Variants in TOMM40 observed in about 807,000 individuals in gnomAD.
TOMM40 encodes the protein mitochondrial import receptor subunit TOM40 homolog.
TOMM40 carries 9 observed loss-of-function variants against 38.4 expected under a neutral mutation model. The ratio of observed to expected loss-of-function variants is 0.23; its 90% CI spans 0.14 to 0.41. TOMM40 has a LOEUF of 0.41. TOMM40 is among the 10% of genes least tolerant of loss of function. TOMM40 has a pLI of 1.00. For missense variants in TOMM40, 299 were observed against 486.5 expected, an observed-to-expected ratio of 0.61 and a Z score of 3.63; for synonymous variants, 184 against 210.0, an observed-to-expected ratio of 0.88 and a Z score of 1.07.
intron 5 of TOMM40, 126 bp from the exon 6 acceptor site, chr19:44,900,604 A>T: frequency 6.4e-7 from 1 of 1,564,046 alleles, no homozygotes; most frequent in South Asian, 1.2e-5. Flanking sequence ...AGGAGAAAGG[A>T]GCCCTTGAGG....
At chr19:44,892,815 A>G (rs1472416342) in intron 2 of TOMM40, 22 bp from the exon 3 acceptor site, 1 of 1,592,828 alleles carries the variant, frequency 6.3e-7, no homozygotes, top group South Asian at 1.1e-5. Flanking sequence ...CAGTATCGTC[A>G]CAGCTCTCGC....
chr19:44,893,800 T>A lies in TOMM40; in HGVS notation c.456T>A (p.Gly152=), dbSNP rs1230390802. 3 of 1,612,034 alleles carry A rather than the reference T, an allele frequency of 1.9e-6. No homozygotes were observed. Among genetic ancestry groups the A allele is most frequent in the Non-Finnish European group, 2.5e-6 (3 of 1,179,982 alleles). The part of the protein sequence containing the change: ...SPTEAFPVLV[G]DMDNSGSLNA... The stretch of plus-strand genomic sequence containing the variant: ...CACAGGCGTTCCCTGTACTGGTGGG[T>A]GACATGGACAACAGTGGCAGTCTCA... Residue 152 remains glycine, a synonymous_variant, in exon 4 of 9, where the codon GGT becomes GGA. Coordinates refer to ENST00000426677, the MANE Select transcript of TOMM40 (RefSeq NM_001128917.2).
chr19:44,901,618 T>G, intron 8 of TOMM40: 1 of 547,360 alleles, frequency 1.8e-6, no homozygotes, highest in Non-Finnish European at 3.1e-6. Context: ...CGGGTGCCTA[T>G]AGTCCCAACT....
In TOMM40 at chr19:44,897,593, C is replaced by T. The variant is rs1482438798; in HGVS notation, c.644-3137C>T. Among the ~76,000 whole-genome samples, 4 of 152,036 alleles carry T rather than the reference C, an allele frequency of 2.6e-5. No individual in the cohort carries two copies. In the East Asian group the frequency reaches 5.9e-4, roughly 22 times the overall value. ...TCAGCCTCCCAAGTAGCTGGGATTA[C>T]AGGCACGCACTGCCACACCCGGCTA... On this transcript the variant is annotated intron_variant, in intron 5 of 8. Coordinates refer to ENST00000426677, the MANE Select transcript of TOMM40 (RefSeq NM_001128917.2).
chr19:44,896,687 A>T (rs1969571462), intron 5 of TOMM40, among the ~76,000 whole-genome samples: 1 of 152,038 alleles, frequency 6.6e-6, no homozygotes, highest in African/African-American at 2.4e-5. Context: ...TTTCTGCTTC[A>T]CTCTGAGCAC....
chr19:44,903,494 C>T lies in TOMM40; in HGVS notation c.*325C>T, dbSNP rs1023340203. On this transcript the variant is annotated 3_prime_UTR_variant, in exon 9 of 9. Transcript: ENST00000426677. ...ACCTCAGGGAGGAGTGTCCTGGCGT[C>T]CCCATCCTCCAAAGGGCCTGGGCCC... The T allele has an allele frequency of 1.1e-5, 3 of 267,922 alleles. No homozygotes were observed. The highest frequency in any genetic ancestry group is 1.4e-5 in the Non-Finnish European group (2 of 139,828). The allele number at this position is 267,922 out of a possible 1,614,324, so 16.6% of individuals were successfully genotyped here.
At chr19:44,891,839 A>T (rs1423853110) in intron 1 of TOMM40, 150 bp downstream of exon 1, 6 of 887,026 alleles carry the variant, frequency 6.8e-6, no homozygotes, top group Middle Eastern at 3.8e-4. Context: ...GGAACGTTGG[A>T]CTTGGGGCTT....
chr19:44,902,786 T>TG, intron 8 of TOMM40: 1 of 446,974 alleles, frequency 2.2e-6, no homozygotes, highest in Non-Finnish European at 4.0e-6. Context: ...AGGACTAGGT[T>TG]GGGGGAACCC....
At chr19:44,900,044 C>G (rs909774739) in intron 5 of TOMM40, among the ~76,000 whole-genome samples, 1 of 152,034 alleles carries the variant, frequency 6.6e-6, no homozygotes, top group Admixed American at 6.6e-5. Flanking sequence ...CTGCTAGGCT[C>G]GAAAGACACC....
rs2122734656 is a variant in TOMM40 at position 44,891,454 on chromosome 19, G to A, written c.39G>A (p.Gly13=). Residue 13 remains glycine (G), a synonymous_variant, in exon 1 of 9, where the codon GGG becomes GGA. Coordinates refer to ENST00000426677, the MANE Select transcript of TOMM40 (RefSeq NM_001128917.2). ...NVLAASSPPA[G]PPPPPAPALV... is the part of the protein sequence containing the mutation. Reference sequence around the variant, plus strand: ...TGGCTGCCAGCTCGCCGCCCGCAGGGCCGCCACCGCCGCCTGCGCCGGCCC... The same window carrying A: ...TGGCTGCCAGCTCGCCGCCCGCAGGACCGCCACCGCCGCCTGCGCCGGCCC... The A allele has an allele frequency of 7.7e-7, 1 of 1,296,328 alleles. No homozygotes were observed. The allele number at this position is 1,296,328 out of a possible 1,614,324, so 80.3% of individuals were successfully genotyped here. A position where few individuals can be genotyped will look rare whatever the true frequency, so the allele number is the denominator to read the frequency against.
At chr19:44,900,874 G>A (rs371068954) in intron 6 of TOMM40, 22 bp downstream of exon 6, 128 of 1,612,514 alleles carry the variant, frequency 7.9e-5, no homozygotes, top group Middle Eastern at 3.3e-4. Context: ...GCCTGGGTCC[G>A]AGGGTGGAGG....
intron 5 of TOMM40, among the ~76,000 whole-genome samples, chr19:44,895,939 T>TC (rs1471478248): frequency 1.3e-5 from 2 of 152,188 alleles, no homozygotes; most frequent in African/African-American, 4.8e-5. Flanking sequence ...ATGGAATTCT[T>TC]CCCTCTGGTC....
At chr19:44,896,550 G>A (rs1266021950) in intron 5 of TOMM40, among the ~76,000 whole-genome samples, 1 of 152,198 alleles carries the variant, frequency 6.6e-6, no homozygotes, top group African/African-American at 2.4e-5. Flanking sequence ...TAAGGAAAGC[G>A]AGGCCCAGGG....
intron 3 of TOMM40, among the ~76,000 whole-genome samples, 178 bp downstream of exon 3, chr19:44,893,107 G>A (rs1426575179): frequency 6.6e-6 from 1 of 152,098 alleles, no homozygotes; most frequent in Non-Finnish European, 1.5e-5. Context: ...GCAAACATCC[G>A]CCAAACCCCT....
chr19:44,898,493 T>G (rs1969610102), intron 5 of TOMM40, among the ~76,000 whole-genome samples: 1 of 149,980 alleles, frequency 6.7e-6, no homozygotes, highest in Admixed American at 6.6e-5. Flanking sequence ...CATTTCTGTC[T>G]CTGCAGATGT....
rs748960699 is a variant in TOMM40 at position 44,894,057 on chromosome 19, G to A, written c.634G>A (p.Val212Met). ...AVTLGNPDVL[V>M]GSGILVAHYL... ...CACCCTGGGGAACCCAGACGTCCTC[G>A]TGGGTTCAGGTAAGAGGCGGAGGGC... Residue 212 changes from valine (V) to methionine (M), a missense_variant, in exon 5 of 9, where the codon GTG (valine) becomes ATG (methionine). Coordinates refer to ENST00000426677, the MANE Select transcript of TOMM40 (RefSeq NM_001128917.2). 10 of 1,513,680 alleles carry A rather than the reference G, an allele frequency of 6.6e-6. No individual in the cohort carries two copies. In the South Asian group the frequency reaches 6.6e-5, roughly 10 times the overall value. The allele number at this position is 1,513,680 out of a possible 1,614,324, so 93.8% of individuals were successfully genotyped here.
chr19:44,895,907 A>T (rs1337635386), intron 5 of TOMM40, among the ~76,000 whole-genome samples: 1 of 152,060 alleles, frequency 6.6e-6, no homozygotes, highest in Non-Finnish European at 1.5e-5. Context: ...CCCAGGACCG[A>T]CGCACACTCT....
intron 3 of TOMM40, among the ~76,000 whole-genome samples, 171 bp downstream of exon 3, chr19:44,893,100 A>C (rs994090018): frequency 6.6e-6 from 1 of 151,952 alleles, no homozygotes; most frequent in Non-Finnish European, 1.5e-5. Flanking sequence ...TCATCCAGCA[A>C]ACATCCGCCA....
intron 5 of TOMM40, among the ~76,000 whole-genome samples, chr19:44,899,147 A>T (rs947137841): frequency 1.6e-4 from 24 of 151,332 alleles, no homozygotes; most frequent in African/African-American, 5.8e-4. Context: ...AAAAAAAAAA[A>T]AAATTAAATT....
Sources: gnomAD v4.1 joint callset for allele counts (sites outside exome capture counted in the v4.1 genomes callset) on GRCh38, gnomAD v4.1.1 for gene constraint, MANE v1.5 for transcripts, NCBI Gene and HGNC (gene_info 2026-07-23, HGNC 2026-07-21) for gene names.